The following DDHD2 variants were observed in gnomAD, a reference collection of about 807,000 sequenced individuals.
DDHD2 encodes triacylglycerol hydrolase DDHD2.
A neutral mutation model predicts 91.2 loss-of-function variants in DDHD2; 62 were observed. The ratio of observed to expected loss-of-function variants is 0.68; its 90% confidence interval spans 0.55 to 0.84. The LOEUF (loss-of-function observed/expected upper bound fraction) is 0.84. Among genes scored for constraint, DDHD2 ranks in the 40% least tolerant of loss-of-function variants. DDHD2 has a pLI of 0.00. For missense variants in DDHD2, 740 were observed against 846.9 expected (o/e 0.87, Z 1.57); for synonymous variants, 271 against 293.9 (o/e 0.92, Z 0.80).
At chr8:38,238,441 G>A in intron 5 of DDHD2, 1 of 1,261,780 alleles carries the variant, frequency 7.9e-7, no homozygotes, top group South Asian at 1.6e-5. Context: ...TACTATCCAG[G>A]AAGTCACTAA....
In DDHD2 at chr8:38,234,552, C is replaced by G. The variant is rs750939885; in HGVS notation, c.379C>G (p.Pro127Ala). 6.2e-7 allele frequency: 1 copy of G among 1,610,598 alleles called. No homozygotes were observed. Among genetic ancestry groups the G allele is most frequent in the African/African-American group, 1.3e-5 (1 of 74,730 alleles). The change falls in exon 3 of 18, where the codon CCC becomes GCC. Residue 127 changes from proline to alanine, a missense_variant. Physicochemically the swap from Pro to Ala is conservative, Grantham distance 27. This residue lies in a region of DDHD2 where 693 missense variants were observed against 764.2 expected (regional missense o/e 0.91). Coordinates refer to ENST00000397166, the MANE Select transcript of DDHD2 (RefSeq NM_015214.3). Reference sequence around the variant, plus strand: ...GGGGGACAAAGACAATAAGTATGTTCCCTACTCGGAGAGCTTCAGCCAAGT... The same window carrying G: ...GGGGGACAAAGACAATAAGTATGTTGCCTACTCGGAGAGCTTCAGCCAAGT... ...YKGDKDNKYV[P>A]YSESFSQVLE... is the part of the protein sequence containing the mutation.
Position 38,245,908 on chromosome 8 carries a change from C to G in DDHD2, c.1015C>G (p.Pro339Ala). The change falls in exon 8 of 18, where the codon CCT becomes GCT. Residue 339 changes from proline to alanine, a missense_variant. Around this residue, in one of 2 missense-constraint regions of DDHD2, gnomAD observed 693 missense variants for 764.2 expected, o/e 0.91. Coordinates refer to ENST00000397166, the MANE Select transcript of DDHD2 (RefSeq NM_015214.3). ...RIYTLFLQRN[P>A]DFKGGVSIAG... ...ATACACACTTTTTCTACAGAGGAAC[C>G]CTGATTTCAAAGGGGGTGTATCCAT... 1 of 1,613,940 alleles carries G rather than the reference C, an allele frequency of 6.2e-7. No homozygotes were observed. The highest frequency in any genetic ancestry group is 8.5e-7 in the Non-Finnish European group (1 of 1,180,028).
intron 2 of DDHD2, 98 bp from the exon 3 acceptor site, chr8:38,234,296 T>C: frequency 1.1e-6 from 1 of 873,458 alleles, no homozygotes; most frequent in Non-Finnish European, 1.7e-6. Context: ...TTTTCATTCA[T>C]GTGTTTCATA....
downstream of DDHD2, chr8:38,264,440 AT>A: frequency 2.6e-6 from 4 of 1,544,792 alleles, no homozygotes; most frequent in African/African-American, 2.7e-5. Flanking sequence ...GCCAGATTCA[AT>A]TTTTAAATAT....
chr8:38,265,054 G>A (rs1046678743), downstream of DDHD2: 5 of 797,256 alleles, frequency 6.3e-6, no homozygotes, highest in Non-Finnish European at 1.1e-5. Flanking sequence ...GGATCCCGAG[G>A]TCAGGAGATT....
intron 3 of DDHD2, among the ~76,000 whole-genome samples, chr8:38,236,865 G>C (rs1026670352): frequency 1.1e-4 from 17 of 151,350 alleles, no homozygotes; most frequent in African/African-American, 3.9e-4. Flanking sequence ...GGGTTTTGCC[G>C]TGTTGGCCAG....
chr8:38,263,701 A>G (rs1807213838), downstream of DDHD2: 15 of 985,330 alleles, frequency 1.5e-5, no homozygotes, highest in Non-Finnish European at 1.8e-5. Context: ...ACAGAATCAA[A>G]GTAATTTAGT....
intron 5 of DDHD2, 102 bp downstream of exon 5, chr8:38,238,311 T>A: frequency 6.6e-7 from 1 of 1,524,910 alleles, no homozygotes; most frequent in Non-Finnish European, 8.8e-7. Flanking sequence ...GGCTTAAAAA[T>A]CATCTTTAAT....
chr8:38,253,557 T>G lies in DDHD2; in HGVS notation c.1893T>G (p.Asp631Glu). The G allele has an allele frequency of 5.0e-6, 8 of 1,612,572 alleles. No homozygotes were observed. Among genetic ancestry groups the G allele is most frequent in the Non-Finnish European group, 6.8e-6 (8 of 1,179,588 alleles). ...TTATTATGGTTCTTCCATATCCAGATGTTAACACAGAAGAGACCTCTGTGG... is the reference window on the plus strand; with the variant it reads ...TTATTATGGTTCTTCCATATCCAGAGGTTAACACAGAAGAGACCTCTGTGG... ...EPESTSEKPS[D>E]VNTEETSVAV... Residue 631 changes from aspartate (D) to glutamate (E), a missense_variant and splice_region_variant, in exon 16 of 18, where the codon GAT becomes GAG. Coordinates refer to ENST00000397166, the MANE Select transcript of DDHD2 (RefSeq NM_015214.3).
intron 3 of DDHD2, among the ~76,000 whole-genome samples, chr8:38,235,594 G>A (rs1023505986): frequency 4.0e-5 from 6 of 151,638 alleles, no homozygotes; most frequent in African/African-American, 9.7e-5. Flanking sequence ...GGTGGTGCAC[G>A]CCTGTAATCC....
chr8:38,268,960 T>C, intron 1 of DDHD2: 2 of 1,564,588 alleles, frequency 1.3e-6, no homozygotes, highest in East Asian at 2.5e-5. Flanking sequence ...GCTGGATGAG[T>C]CTCTGGAACG....
chr8:38,266,378 G>C (rs903362172), downstream of DDHD2: 6 of 1,376,898 alleles, frequency 4.4e-6, no homozygotes, highest in African/African-American at 8.7e-5. Flanking sequence ...TCCCCACATA[G>C]GAGGCTAGGA....
At chr8:38,233,385 A>G (rs1804446257) in intron 2 of DDHD2, among the ~76,000 whole-genome samples, 171 bp downstream of exon 2, 1 of 152,202 alleles carries the variant, frequency 6.6e-6, no homozygotes, top group South Asian at 2.1e-4. Flanking sequence ...CCAATCAATA[A>G]TATTCAAGAA....
At chr8:38,237,180 A>C (rs971050893) in intron 3 of DDHD2, among the ~76,000 whole-genome samples, 2 of 151,886 alleles carry the variant, frequency 1.3e-5, no homozygotes, top group Non-Finnish European at 2.9e-5. Context: ...GTTTGAGACC[A>C]GCCTAGCCAT....
At chr8:38,267,166 A>G (rs1037482395), downstream of DDHD2, 1 of 1,599,212 alleles carries the variant, frequency 6.3e-7, no homozygotes. Context: ...TCCAAATTGT[A>G]GAAACAAGAG....
chr8:38,233,371 C>T (rs1804445738), intron 2 of DDHD2, among the ~76,000 whole-genome samples, 157 bp downstream of exon 2: 1 of 152,148 alleles, frequency 6.6e-6, no homozygotes, highest in African/African-American at 2.4e-5. Context: ...GCACTAATAC[C>T]TAGCCAATCA....
At chr8:38,258,438 A>T (rs1806714434) in intron 16 of DDHD2, among the ~76,000 whole-genome samples, 2 of 151,968 alleles carry the variant, frequency 1.3e-5, no homozygotes, top group African/African-American at 2.4e-5. Flanking sequence ...TTTTTAGTAG[A>T]GATGGGGTTT....
At chr8:38,271,757 G>C (rs1374990405), downstream of DDHD2, 1 of 152,132 alleles carries the variant, frequency 6.6e-6, no homozygotes, top group Non-Finnish European at 1.5e-5. Flanking sequence ...ACTTTCCAAT[G>C]TCCTTTTTCT....
intron 5 of DDHD2, chr8:38,238,539 C>A: frequency 9.5e-7 from 1 of 1,055,984 alleles, no homozygotes; most frequent in Non-Finnish European, 1.1e-6. Flanking sequence ...AACTCCTTGT[C>A]CTTGAAGATT....
Sources: allele counts gnomAD v4.1 joint callset (sites outside exome capture counted in the v4.1 genomes callset), GRCh38; gene constraint gnomAD v4.1.1; regional missense constraint gnomAD v4.1.1; transcripts MANE v1.5; gene names NCBI Gene and HGNC (gene_info 2026-07-23, HGNC 2026-07-21).